ROR1: variants seen among roughly 807,000 people sequenced by gnomAD.
ROR1 encodes inactive tyrosine-protein kinase transmembrane receptor ROR1.
Under a neutral mutation model 78.8 loss-of-function variants are expected in ROR1, and 19 were observed. The ratio of observed to expected loss-of-function variants is 0.24; its 90% CI spans 0.17 to 0.35. The LOEUF (loss-of-function observed/expected upper bound fraction) is 0.35. Ranked by LOEUF, ROR1 falls within the 10% of genes least tolerant of loss-of-function variation. The probability of loss-of-function intolerance (pLI) is 1.00; values close to 1 mark genes in which losing one functional copy is unlikely to be tolerated. For missense variants in ROR1, 917 were observed against 1,177.8 expected (o/e 0.78, Z 3.24); for synonymous variants, 386 against 433.6 (o/e 0.89, Z 1.36).
chr1:64,119,309 T>G lies in ROR1; in HGVS notation c.483-18060T>G, dbSNP rs116635104. ...AGTATATACCCCCATAGTTGTATTT[T>G]TTTATCCTTATTCACGATTCTCAAC... On this transcript the variant is annotated intron_variant, in intron 4 of 8. Transcript: ENST00000371079. Among the ~76,000 whole-genome samples, 332 of 152,298 alleles carry G rather than the reference T, an allele frequency of 2.2e-3. 1 individual carries two copies. The highest frequency in any genetic ancestry group is 7.8e-3 in the African/African-American group (324 of 41,562).
At chr1:63,776,973 G>C (rs920048149) in intron 1 of ROR1, among the ~76,000 whole-genome samples, 1 of 152,170 alleles carries the variant, frequency 6.6e-6, no homozygotes, top group African/African-American at 2.4e-5. Flanking sequence ...CAGCTTAAGC[G>C]GAGATATGTT....
At chr1:63,941,720 G>A (rs1176647072) in intron 1 of ROR1, among the ~76,000 whole-genome samples, 1 of 152,136 alleles carries the variant, frequency 6.6e-6, no homozygotes, top group African/African-American at 2.4e-5. Context: ...GGCTTTGTAT[G>A]GATCATAAGG....
intron 4 of ROR1, among the ~76,000 whole-genome samples, chr1:64,109,464 C>T (rs1647984540): frequency 6.6e-6 from 1 of 152,104 alleles, no homozygotes. Flanking sequence ...TGACTCAAGC[C>T]CTGAGCTCCA....
intron 4 of ROR1, among the ~76,000 whole-genome samples, chr1:64,068,617 A>G (rs916227718): frequency 2.0e-5 from 3 of 152,216 alleles, no homozygotes; most frequent in African/African-American, 7.2e-5. Context: ...CTGAGCACAT[A>G]TATTTTCAGT....
At chr1:63,918,434 AC>A (rs1203888935) in intron 1 of ROR1, among the ~76,000 whole-genome samples, 2 of 152,066 alleles carry the variant, frequency 1.3e-5, no homozygotes, top group African/African-American at 2.4e-5. Context: ...CTGAGCCCAG[AC>A]CCTTTGCTTT....
At chr1:63,976,007 T>C (rs1646157169) in intron 1 of ROR1, among the ~76,000 whole-genome samples, 1 of 152,174 alleles carries the variant, frequency 6.6e-6, no homozygotes, top group Non-Finnish European at 1.5e-5. Context: ...TTTGAAAAAA[T>C]GTATTTTATA....
At chr1:63,910,984 T>G (rs537922845) in intron 1 of ROR1, among the ~76,000 whole-genome samples, 1 of 152,354 alleles carries the variant, frequency 6.6e-6, no homozygotes, top group South Asian at 2.1e-4. Flanking sequence ...TATAAGTCAT[T>G]GTTATTGACT....
At chr1:63,997,151 G>C (rs1221475127) in intron 1 of ROR1, among the ~76,000 whole-genome samples, 1 of 152,168 alleles carries the variant, frequency 6.6e-6, no homozygotes, top group African/African-American at 2.4e-5. Flanking sequence ...AGGCTGAAAA[G>C]GGGTTTGTTT....
intron 1 of ROR1, among the ~76,000 whole-genome samples, chr1:63,879,999 A>G (rs1244158041): frequency 6.6e-6 from 1 of 152,120 alleles, no homozygotes; most frequent in African/African-American, 2.4e-5. Context: ...GTGTCATTTA[A>G]TGGAGGGTTT....
intron 7 of ROR1, among the ~76,000 whole-genome samples, chr1:64,144,757 C>T (rs754324678): frequency 7.9e-5 from 12 of 152,164 alleles, no homozygotes; most frequent in African/African-American, 2.9e-4. Context: ...ACTAAGCATA[C>T]TCTCTCTCTA....
rs774750393 is a variant in ROR1, at chr1:64,177,827, G to T, written c.1786G>T (p.Ala596Ser). ...GGACCACGGAGATTTTCTGCACATT[G>T]CAATTCAGATTGCAGCTGGCATGGA... ...SLDHGDFLHI[A>S]IQIAAGMEYL... Residue 596 changes from alanine to serine, a missense_variant, in exon 9 of 9, where the codon GCA (alanine) becomes TCA (serine). Physicochemically the swap from Ala to Ser is moderately conservative, Grantham distance 99. Transcript: ENST00000371079. The T allele has an allele frequency of 4.4e-5, 71 of 1,614,056 alleles. No homozygotes were observed. The Middle Eastern group carries it at 6.6e-4, about 15-fold the overall frequency.
intron 4 of ROR1, among the ~76,000 whole-genome samples, chr1:64,092,093 T>TTCCCTCCC (rs60543147): frequency 3.4e-5 from 4 of 118,564 alleles, no homozygotes; most frequent in Non-Finnish European, 5.0e-5. Flanking sequence ...GATGTAATTC[T>TTCCCTCCC]TCCCTCCCTC....
intron 4 of ROR1, among the ~76,000 whole-genome samples, chr1:64,089,828 C>A (rs1398773864): frequency 6.6e-6 from 1 of 152,146 alleles, no homozygotes; most frequent in Non-Finnish European, 1.5e-5. Context: ...TTGTAGCTCC[C>A]GTAATTCTCA....
intron 1 of ROR1, among the ~76,000 whole-genome samples, chr1:63,822,782 CCT>C (rs1460790376): frequency 3.7e-4 from 56 of 152,114 alleles, no homozygotes; most frequent in African/African-American, 1.3e-3. Flanking sequence ...GGGCATTACT[CCT>C]CTCTCTGTTT....
At chr1:64,051,324 C>T (rs982797564) in intron 4 of ROR1, among the ~76,000 whole-genome samples, 16 of 151,646 alleles carry the variant, frequency 1.1e-4, no homozygotes, top group African/African-American at 3.9e-4. Flanking sequence ...GTGGTGGGCG[C>T]CTGTAGTCCC....
chr1:63,906,460 A>C (rs974728574), intron 1 of ROR1, among the ~76,000 whole-genome samples: 1 of 152,162 alleles, frequency 6.6e-6, no homozygotes, highest in African/African-American at 2.4e-5. Flanking sequence ...GCTTGTGGCT[A>C]TTCAGGCCTG....
chr1:63,983,246 A>G (rs1374080861), intron 1 of ROR1, among the ~76,000 whole-genome samples: 1 of 151,956 alleles, frequency 6.6e-6, no homozygotes, highest in African/African-American at 2.4e-5. Flanking sequence ...GGAAGTCCGG[A>G]AGACTCAGTG....
chr1:64,116,731 A>T (rs992249048), intron 4 of ROR1, among the ~76,000 whole-genome samples: 5 of 152,072 alleles, frequency 3.3e-5, no homozygotes, highest in Non-Finnish European at 5.9e-5. Flanking sequence ...GTGAGACAAC[A>T]CTTGGCTGGG....
In ROR1 at chr1:64,060,834, T is replaced by C. The variant is rs1297609728; in HGVS notation, c.482+10118T>C. On this transcript the variant is annotated intron_variant, in intron 4 of 8. Transcript: ENST00000371079. The stretch of plus-strand genomic sequence containing the variant: ...ATCTAGTGGGGGAGCGAGTAAAATG[T>C]ACAGAAGTTTGAGAAGCCAAGCTCT... Among the ~76,000 whole-genome samples the C allele has an allele frequency of 2.0e-5, 3 of 152,342 alleles. No homozygotes were observed. The East Asian group carries it at 5.8e-4, about 29-fold the overall frequency.
Sources: allele counts gnomAD v4.1 joint callset (sites outside exome capture counted in the v4.1 genomes callset), GRCh38; gene constraint gnomAD v4.1.1; transcripts MANE v1.5; gene names NCBI Gene and HGNC (gene_info 2026-07-23, HGNC 2026-07-21).